The following NBAS variants were observed in gnomAD, a reference collection of about 807,000 sequenced individuals.
NBAS encodes NAG/BC035112 fusion.
Under a neutral mutation model 302.5 loss-of-function variants are expected in NBAS, and 219 were observed. That is an observed-to-expected ratio of 0.72 (90% confidence interval 0.65 to 0.81). The LOEUF is 0.81. Among genes scored for constraint, NBAS ranks in the 30% least tolerant of loss-of-function variants. NBAS has a pLI of 0.00. For missense variants in NBAS, 2,932 were observed against 2,841.6 expected, an observed-to-expected ratio of 1.03 and a Z score of -0.72; for synonymous variants, 1,118 against 1,021.6, an observed-to-expected ratio of 1.09 and a Z score of -1.80.
At chr2:14,984,991 C>T in the NBAS span, among the ~76,000 whole-genome samples, 1 of 152,074 alleles carries the variant, frequency 6.6e-6, no homozygotes, top group Admixed American at 6.6e-5. Context: ...TCTTTTGGAA[C>T]TCAGGATGGC....
the NBAS span, among the ~76,000 whole-genome samples, chr2:14,969,566 G>A: frequency 2.3e-3 from 356 of 152,048 alleles, no homozygotes; most frequent in African/African-American, 8.2e-3. Context: ...TAGTAGAGAC[G>A]GGGTTTCACC....
At chr2:14,853,614 C>T in the NBAS span, among the ~76,000 whole-genome samples, 4 of 85,646 alleles carry the variant, frequency 4.7e-5, no homozygotes, top group Admixed American at 2.3e-4. Context: ...TATAAAGACA[C>T]ATGCACACAT....
chr2:15,415,664 T>C lies in NBAS; in HGVS notation c.2819A>G (p.His940Arg). The change falls in exon 25 of 52, where the codon CAT (histidine) becomes CGT (arginine). Residue 940 changes from histidine (H) to arginine (R), a missense_variant. Coordinates refer to ENST00000281513, the MANE Select transcript of NBAS (RefSeq NM_015909.4). Reference protein sequence around the residue: ...SAYQWMVPFLHRCEKQSPGVA... With the variant: ...SAYQWMVPFLRRCEKQSPGVA... ...ACCAGGCGACTGTTTCTCACAACGA[T>C]GAAGAAAGGGAACCATCCACTGGTA... The C allele has an allele frequency of 6.2e-7, 1 of 1,614,166 alleles. No homozygotes were observed. Among genetic ancestry groups the C allele is most frequent in the Non-Finnish European group, 8.5e-7 (1 of 1,180,020 alleles).
intron 31 of NBAS, among the ~76,000 whole-genome samples, chr2:15,371,733 G>C (rs1674495400): frequency 6.6e-6 from 1 of 152,094 alleles, no homozygotes. Flanking sequence ...TCCCAGAGTA[G>C]GGTAAGTGCC....
the NBAS span, among the ~76,000 whole-genome samples, chr2:15,131,999 C>T: frequency 6.6e-6 from 1 of 152,218 alleles, no homozygotes; most frequent in African/African-American, 2.4e-5. Context: ...TACTAGGCCC[C>T]ACCTTCAACA....
At chr2:15,045,145 C>T in the NBAS span, among the ~76,000 whole-genome samples, 1 of 152,144 alleles carries the variant, frequency 6.6e-6, no homozygotes, top group Non-Finnish European at 1.5e-5. Context: ...TCAGACAAAT[C>T]AATCCAGGGA....
At chr2:15,071,786 G>GT in the NBAS span, among the ~76,000 whole-genome samples, 252 of 152,112 alleles carry the variant, frequency 1.7e-3, 3 homozygotes, top group African/African-American at 5.7e-3. Flanking sequence ...AGGGACTCAT[G>GT]TTTTTTTCCC....
the NBAS span, among the ~76,000 whole-genome samples, chr2:14,979,808 T>C: frequency 5.3e-5 from 8 of 152,180 alleles, 1 homozygote; most frequent in African/African-American, 1.7e-4. Flanking sequence ...TAGATACTGT[T>C]GGAAGCCTCT....
chr2:14,918,334 T>G, the NBAS span, among the ~76,000 whole-genome samples: 2 of 133,370 alleles, frequency 1.5e-5, no homozygotes, highest in East Asian at 4.4e-4. Context: ...AAAAAAACAA[T>G]GTAATGGTGT....
intron 48 of NBAS, among the ~76,000 whole-genome samples, chr2:15,217,056 C>G (rs889141607): frequency 1.3e-5 from 2 of 152,202 alleles, no homozygotes; most frequent in African/African-American, 4.8e-5. Flanking sequence ...TTCATGTTTG[C>G]TGAAAACAAG....
chr2:15,035,975 C>T, the NBAS span, among the ~76,000 whole-genome samples: 1 of 149,822 alleles, frequency 6.7e-6, no homozygotes, highest in East Asian at 2.0e-4. Flanking sequence ...TGTAACAAAC[C>T]TGCACCTAGT....
chr2:15,374,087 A>C (rs1374042190), intron 31 of NBAS, among the ~76,000 whole-genome samples: 1 of 152,220 alleles, frequency 6.6e-6, no homozygotes, highest in Non-Finnish European at 1.5e-5. Context: ...TATTCAAATA[A>C]AAGAAGTTGA....
At chr2:15,110,775 TC>T in the NBAS span, among the ~76,000 whole-genome samples, 1 of 152,074 alleles carries the variant, frequency 6.6e-6, no homozygotes, top group African/African-American at 2.4e-5. Context: ...ACAAGTCCTC[TC>T]CCCAACACAA....
rs1043039886 is a variant in NBAS, at chr2:15,554,258, T to A, written c.210-120A>T. On this transcript the variant is annotated intron_variant, in intron 3 of 51. Coordinates refer to ENST00000281513, the MANE Select transcript of NBAS (RefSeq NM_015909.4). Reference sequence around the variant, plus strand: ...ATTTTTTTCCATTAGAATATAAAATTTGAATATTAGCAAACCCAAAACCCA... The same window carrying A: ...ATTTTTTTCCATTAGAATATAAAATATGAATATTAGCAAACCCAAAACCCA... 136 of 887,416 alleles carry A rather than the reference T, an allele frequency of 1.5e-4. No homozygotes were observed. In the African/African-American group the frequency reaches 2.1e-3, roughly 14 times the overall value. The allele number at this position is 887,416 out of a possible 1,614,324, so 55.0% of individuals were successfully genotyped here.
At chr2:15,331,541 C>T (rs1672349723) in intron 35 of NBAS, among the ~76,000 whole-genome samples, 2 of 152,128 alleles carry the variant, frequency 1.3e-5, no homozygotes, top group Non-Finnish European at 2.9e-5. Flanking sequence ...AACCTTAAGG[C>T]TTAGTTTATC....
chr2:14,884,238 T>A, the NBAS span, among the ~76,000 whole-genome samples: 1 of 152,082 alleles, frequency 6.6e-6, no homozygotes, highest in South Asian at 2.1e-4. Flanking sequence ...CTCGAAACTA[T>A]GTAGCAACAT....
At chr2:15,082,995 C>T in the NBAS span, among the ~76,000 whole-genome samples, 1 of 152,174 alleles carries the variant, frequency 6.6e-6, no homozygotes, top group Non-Finnish European at 1.5e-5. Context: ...TCCCCCCCAC[C>T]ATGTTTTGGG....
the NBAS span, among the ~76,000 whole-genome samples, chr2:14,976,346 C>T: frequency 0.068 from 10,315 of 152,226 alleles, 896 homozygotes; most frequent in African/African-American, 0.19. Flanking sequence ...AGGGAAAGAG[C>T]TCCACAAATC....
chr2:15,548,171 C>A (rs1664206782), intron 6 of NBAS, among the ~76,000 whole-genome samples: 1 of 152,146 alleles, frequency 6.6e-6, no homozygotes, highest in Non-Finnish European at 1.5e-5. Flanking sequence ...CCATAAAAAT[C>A]ATTTGAATAG....
Sources: allele counts gnomAD v4.1 joint callset (sites outside exome capture counted in the v4.1 genomes callset), GRCh38; gene constraint gnomAD v4.1.1; transcripts MANE v1.5; gene names NCBI Gene and HGNC (gene_info 2026-07-23, HGNC 2026-07-21).